The following ANK3 variants were observed in gnomAD, a reference collection of about 807,000 sequenced individuals.
ANK3 encodes the protein ankyrin-3.
In ANK3, 57 loss-of-function variants were observed where a neutral mutation model predicts 370.9. The ratio of observed to expected loss-of-function variants is 0.15; its 90% CI spans 0.12 to 0.19. ANK3 has a LOEUF of 0.19. Ranked by LOEUF, ANK3 falls within the 10% of genes least tolerant of loss-of-function variation. The pLI is 1.00. For synonymous variants in ANK3, 1,929 were observed against 1,946.3 expected (o/e 0.99, Z 0.23); for missense variants, 4,439 against 5,302.1 (o/e 0.84, Z 5.06).
intron 21 of ANK3, among the ~76,000 whole-genome samples, chr10:60,167,963 G>A (rs12267467): frequency 3.3e-5 from 5 of 152,072 alleles, no homozygotes; most frequent in Non-Finnish European, 7.4e-5. Flanking sequence ...TAATTGTGAA[G>A]ATAGTATAGA....
At chr10:60,427,520 C>T (rs1017019792) in intron 2 of ANK3, among the ~76,000 whole-genome samples, 11 of 150,612 alleles carry the variant, frequency 7.3e-5, no homozygotes, top group South Asian at 2.1e-4. Context: ...TATAAGGTTT[C>T]GGGCCCTAAA....
At chr10:60,175,364 A>G (rs1285022437) in intron 18 of ANK3, among the ~76,000 whole-genome samples, 1 of 152,234 alleles carries the variant, frequency 6.6e-6, no homozygotes, top group East Asian at 1.9e-4. Context: ...CCTCGCATAA[A>G]TACGCTCAGA....
chr10:60,173,826 T>C (rs2095854805), intron 18 of ANK3, among the ~76,000 whole-genome samples: 1 of 152,318 alleles, frequency 6.6e-6, no homozygotes, highest in South Asian at 2.1e-4. Flanking sequence ...TTTCTCAAAT[T>C]AGTATCCACT....
chr10:60,332,731 T>C (rs2051681956), intron 1 of ANK3, among the ~76,000 whole-genome samples: 1 of 152,174 alleles, frequency 6.6e-6, no homozygotes. Flanking sequence ...CTAAACAGTA[T>C]TAAATGAAGG....
At position 60,071,675 on chromosome 10, in the gene ANK3, C is replaced by T; in HGVS notation, c.9206G>A (p.Ser3069Asn). 6.2e-7 allele frequency: 1 copy of T among 1,605,024 alleles called. No homozygotes were observed. The highest frequency in any genetic ancestry group is 8.5e-7 in the Non-Finnish European group (1 of 1,176,706). ...GAGTTTTTCCAATCCATCAATGGGA[C>T]TGTGGTCGAATACATCACTAGAGGG... ...ESPSSDVFDH[S>N]PIDGLEKLAP... Residue 3069 changes from serine (S) to asparagine (N), a missense_variant, in exon 37 of 44, where the codon AGT (serine) becomes AAT (asparagine). Physicochemically the swap from Ser to Asn is conservative, Grantham distance 46 (BLOSUM62 1). Around this residue, in one of 13 missense-constraint regions of ANK3, gnomAD observed 1,601 missense variants for 1,731.7 expected, o/e 0.92. Coordinates refer to ENST00000280772, the MANE Select transcript of ANK3 (RefSeq NM_020987.5).
chr10:60,324,631 A>G (rs1225228184), intron 1 of ANK3, among the ~76,000 whole-genome samples: 1 of 152,122 alleles, frequency 6.6e-6, no homozygotes, highest in Non-Finnish European at 1.5e-5. Context: ...TTCAGGAATG[A>G]GAAGCCCAGA....
chr10:60,509,283 C>G (rs1567104817), intron 2 of ANK3, among the ~76,000 whole-genome samples: 1 of 152,082 alleles, frequency 6.6e-6, no homozygotes, highest in Admixed American at 6.6e-5. Context: ...TCCTCTAACT[C>G]TAGCACAACT....
chr10:60,579,877 T>A lies in ANK3; in HGVS notation c.96+35309A>T, dbSNP rs146250752. On this transcript the variant is annotated intron_variant, in intron 2 of 43. Coordinates refer to the ANK3 transcript ENST00000373827. ...CCTAATCTTAAATGATTCGTACATT[T>A]AAGACATGGTAAAATGATTCAGAAA... Among the ~76,000 whole-genome samples, 524 of 152,288 alleles carry A rather than the reference T, an allele frequency of 3.4e-3. 3 individuals carry two copies. The highest frequency in any genetic ancestry group is 0.012 in the African/African-American group (503 of 41,576).
At chr10:60,225,436 G>T (rs573146845) in intron 8 of ANK3, among the ~76,000 whole-genome samples, 7 of 152,220 alleles carry the variant, frequency 4.6e-5, no homozygotes, top group Admixed American at 4.6e-4. Flanking sequence ...TTCTCCAGGG[G>T]ATTCATATAC....
intron 1 of ANK3, among the ~76,000 whole-genome samples, chr10:60,287,267 A>T: frequency 6.6e-6 from 1 of 152,048 alleles, no homozygotes; most frequent in South Asian, 2.1e-4. Context: ...ACTTCAGAAG[A>T]CTTATTTTTA....
At chr10:60,090,563 T>C (rs4948385) in intron 28 of ANK3, among the ~76,000 whole-genome samples, 39,493 of 152,018 alleles carry the variant, frequency 0.26, 6,296 homozygotes, top group East Asian at 0.65. Flanking sequence ...ATACCAAACG[T>C]ATTAATAATA....
chr10:60,080,602 C>T lies in ANK3; in HGVS notation c.4367G>A (p.Arg1456Lys). 2 of 1,586,612 alleles carry T rather than the reference C, an allele frequency of 1.3e-6. No individual in the cohort carries two copies. Among genetic ancestry groups the T allele is most frequent in the East Asian group, 2.3e-5 (1 of 44,416 alleles). Residue 1456 changes from arginine to lysine, a missense_variant, in exon 36 of 44, where the codon AGA becomes AAA. By Grantham distance (26) the Arg-to-Lys change is conservative. Around this residue, in one of 13 missense-constraint regions of ANK3, gnomAD observed 679 missense variants for 791.0 expected, o/e 0.86. Coordinates refer to ENST00000280772, the MANE Select transcript of ANK3 (RefSeq NM_020987.5). ...AGCTAAGGATGCGAAGCTCTGTCGT[C>T]TATCTGTTTTCTCAATCTGAAAAGG... Reference protein sequence around the residue: ...DQDDEIEKTDRRQSFASLALR... With the variant: ...DQDDEIEKTDKRQSFASLALR...
At position 60,621,826 on chromosome 10, in the gene ANK3, G is replaced by C. The variant is rs887973180; in HGVS notation, c.58-6602C>G. Among the ~76,000 whole-genome samples, 3 of 152,096 alleles carry C rather than the reference G, an allele frequency of 2.0e-5. No individual in the cohort carries two copies. The South Asian group carries it at 6.2e-4, about 32-fold the overall frequency. On this transcript the variant is annotated intron_variant, in intron 1 of 43. Coordinates refer to the ANK3 transcript ENST00000373827. ...GGAGCAGGTCTGATCCAATTACTCA[G>C]CTGATAATATAGTGGCAACTCAAAT...
chr10:60,140,236 G>T, intron 23 of ANK3: 2 of 1,111,842 alleles, frequency 1.8e-6, no homozygotes, highest in Non-Finnish European at 2.7e-6. Flanking sequence ...ACTTTCTACT[G>T]CTGCTACCCA....
intron 1 of ANK3, among the ~76,000 whole-genome samples, chr10:60,320,284 C>T (rs1448948573): frequency 6.6e-6 from 1 of 152,198 alleles, no homozygotes; most frequent in Non-Finnish European, 1.5e-5. Context: ...CCAGCTCTCT[C>T]TGGTCTTGTA....
chr10:60,240,996 T>C (rs1393357300), intron 7 of ANK3, among the ~76,000 whole-genome samples: 2 of 152,206 alleles, frequency 1.3e-5, no homozygotes, highest in African/African-American at 4.8e-5. Flanking sequence ...ATTTGTACAG[T>C]GGAAAGATGG....
At chr10:60,091,300 T>C (rs1348490189) in intron 28 of ANK3, among the ~76,000 whole-genome samples, 3 of 152,182 alleles carry the variant, frequency 2.0e-5, no homozygotes, top group African/African-American at 7.2e-5. Context: ...TCCTAGACAT[T>C]CCTGCAGTTA....
chr10:60,302,721 G>A (rs541569049), intron 1 of ANK3, among the ~76,000 whole-genome samples: 85 of 152,138 alleles, frequency 5.6e-4, no homozygotes, highest in African/African-American at 2.0e-3. Flanking sequence ...ATTTGAATTA[G>A]CAAAACAATT....
chr10:60,139,305 T>A, intron 23 of ANK3: 1 of 498,282 alleles, frequency 2.0e-6, no homozygotes, highest in Non-Finnish European at 3.5e-6. Flanking sequence ...CGGAAACAAC[T>A]CCTGGTATTA....
Sources: gnomAD v4.1 joint callset for allele counts (sites outside exome capture counted in the v4.1 genomes callset) on GRCh38, gnomAD v4.1.1 for gene constraint, gnomAD v4.1.1 regional missense constraint, MANE v1.5 for transcripts, NCBI Gene and HGNC (gene_info 2026-07-23, HGNC 2026-07-21) for gene names.